Variants in KCND2 observed in about 807,000 individuals in gnomAD.
KCND2 encodes the protein A-type voltage-gated potassium channel KCND2.
A neutral mutation model predicts 54.4 loss-of-function variants in KCND2; 16 were observed. The ratio of observed to expected loss-of-function variants is 0.29; its 90% CI spans 0.20 to 0.45. KCND2 has a LOEUF of 0.45. KCND2 is among the 20% of genes least tolerant of loss of function. The pLI, the probability that KCND2 is intolerant of heterozygous loss-of-function variation, is 1.00. For missense variants in KCND2, 486 were observed against 824.2 expected (o/e 0.59, Z 5.02); for synonymous variants, 317 against 310.7 (o/e 1.02, Z -0.21).
intron 1 of KCND2, among the ~76,000 whole-genome samples, chr7:120,676,041 T>C (rs1000307825): frequency 1.3e-5 from 2 of 152,022 alleles, no homozygotes; most frequent in African/African-American, 2.4e-5. Flanking sequence ...TTTGGCCATT[T>C]TGGCCAAGCT....
At chr7:120,476,053 C>T (rs146524395) in intron 1 of KCND2, among the ~76,000 whole-genome samples, 295 of 152,294 alleles carry the variant, frequency 1.9e-3, no homozygotes, top group African/African-American at 6.5e-3. Flanking sequence ...CATGTAGTTA[C>T]TTTGTAAGTG....
At chr7:120,342,202 T>C (rs1355526890) in intron 1 of KCND2, among the ~76,000 whole-genome samples, 1 of 152,188 alleles carries the variant, frequency 6.6e-6, no homozygotes, top group Non-Finnish European at 1.5e-5. Flanking sequence ...GCTCCAATCA[T>C]GGCTCTGCCA....
chr7:120,633,907 G>T (rs749431096), intron 1 of KCND2, among the ~76,000 whole-genome samples: 2 of 152,034 alleles, frequency 1.3e-5, no homozygotes, highest in Non-Finnish European at 2.9e-5. Context: ...TTTTAAGTTG[G>T]GTAGTATAGC....
intron 1 of KCND2, among the ~76,000 whole-genome samples, chr7:120,553,145 A>G (rs116854384): frequency 0.022 from 3,289 of 152,280 alleles, 53 homozygotes; most frequent in Non-Finnish European, 0.033. Context: ...TTTGACCAAA[A>G]TACCTTTATT....
At chr7:120,379,716 T>G (rs576191401) in intron 1 of KCND2, among the ~76,000 whole-genome samples, 2 of 152,108 alleles carry the variant, frequency 1.3e-5, no homozygotes, top group East Asian at 3.9e-4. Context: ...GGCAAATATG[T>G]CTGATGTCTG....
intron 1 of KCND2, among the ~76,000 whole-genome samples, chr7:120,701,644 A>G (rs1002419905): frequency 6.6e-6 from 1 of 152,134 alleles, no homozygotes; most frequent in African/African-American, 2.4e-5. Context: ...CCAGAAATAA[A>G]GCCACACACC....
intron 1 of KCND2, among the ~76,000 whole-genome samples, chr7:120,284,818 A>G (rs1425382466): frequency 2.0e-5 from 3 of 152,170 alleles, no homozygotes; most frequent in African/African-American, 7.2e-5. Context: ...TTCCCCCATT[A>G]TATTTCTTTC....
At chr7:120,452,551 C>T (rs968624374) in intron 1 of KCND2, among the ~76,000 whole-genome samples, 1 of 152,130 alleles carries the variant, frequency 6.6e-6, no homozygotes, top group Non-Finnish European at 1.5e-5. Context: ...GACTACTGAG[C>T]ACCAGGACCT....
chr7:120,710,759 C>T (rs1338138607), intron 1 of KCND2, among the ~76,000 whole-genome samples: 3 of 152,174 alleles, frequency 2.0e-5, no homozygotes, highest in Admixed American at 6.6e-5. Flanking sequence ...GTCTTATAAA[C>T]GTTGAGGAAC....
rs150185409 is a variant in KCND2 at position 120,462,709 on chromosome 7, A to G, written c.1115+186962A>G. Among the ~76,000 whole-genome samples, 150 of 151,916 alleles carry G rather than the reference A, an allele frequency of 9.9e-4. 2 individuals carry two copies. Among genetic ancestry groups the G allele is most frequent in the African/African-American group, 3.4e-3 (143 of 41,462 alleles). ...ATCCTATATTGTGATAATAATTCCT[A>G]TTTTTCATACGCCTTACAACTCCTT... is the stretch of plus-strand genomic sequence containing the variant. On this transcript the variant is annotated intron_variant, in intron 1 of 5. Coordinates refer to ENST00000331113, the MANE Select transcript of KCND2 (RefSeq NM_012281.3).
rs533583529 is a variant in KCND2 at position 120,648,771 on chromosome 7, A to G, written c.1116-84132A>G. Among the ~76,000 whole-genome samples the G allele has an allele frequency of 3.6e-4, 55 of 152,332 alleles. No homozygotes were observed. The South Asian group carries it at 0.011, about 30-fold the overall frequency. ...ACTATGAATCTAGTCAACTACAGCAATCTAATAACATAACTCACCTTTGTA... is the reference window on the plus strand; with the variant it reads ...ACTATGAATCTAGTCAACTACAGCAGTCTAATAACATAACTCACCTTTGTA... On this transcript the variant is annotated intron_variant, in intron 1 of 5. Transcript: ENST00000331113.
intron 1 of KCND2, among the ~76,000 whole-genome samples, chr7:120,341,712 G>T (rs1414252709): frequency 6.6e-6 from 1 of 152,130 alleles, no homozygotes; most frequent in Admixed American, 6.6e-5. Flanking sequence ...GAATTAAGAT[G>T]CCAAATTTTA....
At chr7:120,325,356 A>T (rs1380439986) in intron 1 of KCND2, among the ~76,000 whole-genome samples, 2 of 139,798 alleles carry the variant, frequency 1.4e-5, no homozygotes, top group East Asian at 4.2e-4. Context: ...GAGTGGTGAG[A>T]GAGGGCATCC....
At chr7:120,578,502 A>G (rs989092875) in intron 1 of KCND2, among the ~76,000 whole-genome samples, 1 of 152,168 alleles carries the variant, frequency 6.6e-6, no homozygotes, top group Admixed American at 6.5e-5. Context: ...CAACAAAGTA[A>G]TAAGATATGT....
chr7:120,441,453 C>T (rs1309400935), intron 1 of KCND2, among the ~76,000 whole-genome samples: 3 of 151,978 alleles, frequency 2.0e-5, no homozygotes, highest in Non-Finnish European at 4.4e-5. Context: ...TTTTGAGGCT[C>T]ATTTTTCAAA....
intron 1 of KCND2, among the ~76,000 whole-genome samples, chr7:120,405,379 G>C (rs1801336201): frequency 6.6e-6 from 1 of 152,126 alleles, no homozygotes; most frequent in Non-Finnish European, 1.5e-5. Context: ...AGGAGTGACT[G>C]ATAGTGCCAC....
At chr7:120,345,688 A>T (rs904682934) in intron 1 of KCND2, among the ~76,000 whole-genome samples, 12 of 152,170 alleles carry the variant, frequency 7.9e-5, no homozygotes, top group African/African-American at 2.9e-4. Context: ...ATGTGTCAAA[A>T]TTTCCTTTCT....
At chr7:120,508,864 C>T (rs1015710611) in intron 1 of KCND2, among the ~76,000 whole-genome samples, 6 of 148,914 alleles carry the variant, frequency 4.0e-5, no homozygotes, top group African/African-American at 1.0e-4. Flanking sequence ...CAGATACACA[C>T]TTTTAGATTG....
chr7:120,473,703 A>G (rs936298053), intron 1 of KCND2, among the ~76,000 whole-genome samples: 1 of 152,216 alleles, frequency 6.6e-6, no homozygotes, highest in African/African-American at 2.4e-5. Flanking sequence ...AATAAAATAA[A>G]CTTTTAATCC....
Sources: gnomAD v4.1 joint callset for allele counts (sites outside exome capture counted in the v4.1 genomes callset) on GRCh38, gnomAD v4.1.1 for gene constraint, MANE v1.5 for transcripts, NCBI Gene and HGNC (gene_info 2026-07-23, HGNC 2026-07-21) for gene names.